LVRN: variants seen among roughly 807,000 people sequenced by gnomAD.
The protein encoded by LVRN is aminopeptidase Q.
LVRN carries 99 observed loss-of-function variants against 111.4 expected under a neutral mutation model. The ratio of observed to expected loss-of-function variants is 0.89; its 90% CI spans 0.76 to 1.05. The LOEUF (loss-of-function observed/expected upper bound fraction) is 1.05. Among genes scored for constraint, LVRN ranks in the 50% least tolerant of loss-of-function variants. The pLI is 0.00. For missense variants in LVRN, 1,414 were observed against 1,206.8 expected (o/e 1.17, Z -2.54); for synonymous variants, 488 against 449.5 (o/e 1.09, Z -1.08).
chr5:115,987,234 GAATTAT>G (rs1263864277), intron 3 of LVRN, among the ~76,000 whole-genome samples: 3 of 152,052 alleles, frequency 2.0e-5, no homozygotes, highest in African/African-American at 7.2e-5. Flanking sequence ...AAAAACAAGA[GAATTAT>G]AATTCACTTG....
At chr5:116,022,542 T>C in intron 19 of LVRN, 76 bp downstream of exon 19, 1 of 928,818 alleles carries the variant, frequency 1.1e-6, no homozygotes. Flanking sequence ...TTGCTAAAAT[T>C]AAAAATAATA....
chr5:116,002,985 T>C, intron 11 of LVRN, 74 bp downstream of exon 11: 1 of 1,272,966 alleles, frequency 7.9e-7, no homozygotes, highest in Non-Finnish European at 1.1e-6. Context: ...TTGAAAAGTC[T>C]AGCTTTTGAA....
intron 18 of LVRN, among the ~76,000 whole-genome samples, chr5:116,016,627 C>T (rs1748606766): frequency 6.6e-6 from 1 of 152,198 alleles, no homozygotes; most frequent in Admixed American, 6.5e-5. Flanking sequence ...CTCACTTTTG[C>T]AGACTCACAG....
intron 1 of LVRN, among the ~76,000 whole-genome samples, 197 bp downstream of exon 1, chr5:115,963,509 C>T (rs529181452): frequency 1.3e-5 from 2 of 152,248 alleles, no homozygotes; most frequent in East Asian, 3.9e-4. Flanking sequence ...GCACAACGTG[C>T]AGGTTTGTTA....
intron 6 of LVRN, among the ~76,000 whole-genome samples, chr5:115,996,946 C>T (rs1179566017): frequency 6.6e-6 from 1 of 152,184 alleles, no homozygotes; most frequent in African/African-American, 2.4e-5. Flanking sequence ...CTGCTAGGTA[C>T]TGTTGAGACA....
rs142239251 is a variant in LVRN at position 115,987,817 on chromosome 5, G to A, written c.983G>A (p.Arg328His). The change falls in exon 4 of 20, where the codon CGC (arginine) becomes CAC (histidine). Residue 328 changes from arginine (R) to histidine (H), a missense_variant. Physicochemically the swap from Arg to His is conservative, Grantham distance 29 (BLOSUM62 0). Coordinates refer to ENST00000357872, the MANE Select transcript of LVRN (RefSeq NM_173800.5). ...VNRTERGKEI[R>H]IWARKDAIAN... ...TGCTTAACTGTTTTGATTTAGATAC[G>A]CATCTGGGCCCGGAAAGATGCAATT... The A allele has an allele frequency of 1.1e-4, 176 of 1,610,668 alleles. No homozygotes were observed. The highest frequency in any genetic ancestry group is 4.0e-4 in the Admixed American group (24 of 59,396).
At position 116,026,982 on chromosome 5, in the gene LVRN, T is replaced by C. The variant is rs1207512380; in HGVS notation, c.*864T>C. On this transcript the variant is annotated 3_prime_UTR_variant, in exon 20 of 20. Transcript: ENST00000357872. Reference sequence around the variant, plus strand: ...ATTTAGGGCAAAAGGAATCTTGAAATGAAAGAAACAGAACTAAAAGGCTAA... The same window carrying C: ...ATTTAGGGCAAAAGGAATCTTGAAACGAAAGAAACAGAACTAAAAGGCTAA... 6.6e-6 allele frequency: 1 copy of C among 152,152 alleles called. No individual in the cohort carries two copies. Among genetic ancestry groups the C allele is most frequent in the East Asian group, 1.9e-4 (1 of 5,188 alleles). 9.4% of individuals were successfully genotyped at this position (152,152 alleles called of 1,614,324 possible). A position where few individuals can be genotyped will look rare whatever the true frequency, so the allele number is the denominator to read the frequency against.
At chr5:116,003,568 G>GT (rs1019271841) in intron 12 of LVRN, among the ~76,000 whole-genome samples, 188 bp downstream of exon 12, 33 of 146,928 alleles carry the variant, frequency 2.2e-4, no homozygotes, top group Middle Eastern at 3.5e-3. Context: ...TGTCTGTGTG[G>GT]TTTTTTTTTG....
At chr5:116,017,844 T>C (rs964844315) in intron 18 of LVRN, among the ~76,000 whole-genome samples, 10 of 152,248 alleles carry the variant, frequency 6.6e-5, no homozygotes, top group African/African-American at 2.4e-4. Flanking sequence ...AGTCCCTATA[T>C]CATTCACTTT....
At chr5:115,997,919 C>T (rs1748153698) in intron 6 of LVRN, among the ~76,000 whole-genome samples, 1 of 152,104 alleles carries the variant, frequency 6.6e-6, no homozygotes, top group Admixed American at 6.5e-5. Flanking sequence ...TTGCCTCATT[C>T]ATCAATTACC....
intron 1 of LVRN, among the ~76,000 whole-genome samples, chr5:115,965,330 G>T (rs1008085596): frequency 2.6e-5 from 4 of 152,170 alleles, no homozygotes; most frequent in Non-Finnish European, 5.9e-5. Flanking sequence ...ATAGATTTTA[G>T]TTTTGTAAGG....
intron 17 of LVRN, 97 bp downstream of exon 17, chr5:116,015,516 T>G: frequency 6.8e-7 from 1 of 1,467,032 alleles, no homozygotes; most frequent in South Asian, 1.5e-5. Flanking sequence ...ATTAAAACGT[T>G]GCGTATTTGT....
At position 115,983,425 on chromosome 5, in the gene LVRN, G is replaced by A. The variant is rs1371312960; in HGVS notation, c.834G>A (p.Lys278=). 6.3e-7 allele frequency: 1 copy of A among 1,597,944 alleles called. No homozygotes were observed. Among genetic ancestry groups the A allele is most frequent in the Non-Finnish European group, 8.5e-7 (1 of 1,175,020 alleles). The change falls in exon 2 of 20, where the codon AAG becomes AAA. Residue 278 remains lysine (K), a synonymous_variant. Coordinates refer to ENST00000357872, the MANE Select transcript of LVRN (RefSeq NM_173800.5). ...ATGTGGCCCTTTCCAACATGCCAAA[G>A]CTAGGTAAGTAATGCTTTCTGTCTA... ...PSYVALSNMP[K]LGQSEKEDVN...
At position 116,010,791 on chromosome 5, in the gene LVRN, C is replaced by A. The variant is rs747816238; in HGVS notation, c.2144C>A (p.Ala715Asp). ...GCACTTGAGTTAACCAAGTACCTTG[C>A]TGAAGAAGATGAAATTATAGTATGG... ...ETALELTKYLAEEDEIIVWHT... is the reference protein window; with the variant it reads ...ETALELTKYLDEEDEIIVWHT... Residue 715 changes from alanine (A) to aspartate (D), a missense_variant, in exon 14 of 20, where the codon GCT becomes GAT. Coordinates refer to ENST00000357872, the MANE Select transcript of LVRN (RefSeq NM_173800.5). The A allele has an allele frequency of 1.2e-6, 2 of 1,610,268 alleles. No homozygotes were observed. The highest frequency in any genetic ancestry group is 2.7e-5 in the African/African-American group (2 of 74,636).
intron 1 of LVRN, among the ~76,000 whole-genome samples, chr5:115,965,481 A>G (rs1373564014): frequency 6.6e-6 from 1 of 152,194 alleles, no homozygotes; most frequent in African/African-American, 2.4e-5. Context: ...AATGAGCAAA[A>G]ATAAATTATA....
chr5:115,983,224 T>C (rs184368499), intron 1 of LVRN, 63 bp from the exon 2 acceptor site: 27 of 1,459,780 alleles, frequency 1.8e-5, no homozygotes, highest in Non-Finnish European at 2.4e-5. Context: ...CATCTCTCAA[T>C]GTTTTTTTAT....
chr5:115,990,970 T>C (rs1223656859), intron 4 of LVRN, among the ~76,000 whole-genome samples: 1 of 152,204 alleles, frequency 6.6e-6, no homozygotes. Context: ...CTCTCTTTCC[T>C]TTCTTCTCCC....
Position 116,015,353 on chromosome 5 carries a change from A to G in LVRN, c.2552A>G (p.Asn851Ser), listed in dbSNP as rs1218701499. The G allele has an allele frequency of 1.2e-6, 2 of 1,612,188 alleles. No individual in the cohort carries two copies. The highest frequency in any genetic ancestry group is 1.7e-5 in the Admixed American group (1 of 59,792). Residue 851 changes from asparagine (N) to serine (S), a missense_variant, in exon 17 of 20, where the codon AAC becomes AGC. Coordinates refer to ENST00000357872, the MANE Select transcript of LVRN (RefSeq NM_173800.5). The stretch of plus-strand genomic sequence containing the variant: ...TTAAATACTTACACTAATACAACAA[A>G]CAAAGAAGAAAAGATTCAACTTGCT... ...ILLNTYTNTTNKEEKIQLAYA... is the reference protein window; with the variant it reads ...ILLNTYTNTTSKEEKIQLAYA...
rs183525648 is a variant in LVRN, at chr5:115,985,635, A to G, written c.978+926A>G. ...TTAAAATAAAGTCACTCTTGTCCCC[A>G]TACCTATCCAGAAGCTGAACTGCCA... On this transcript the variant is annotated intron_variant, in intron 3 of 19. Coordinates refer to ENST00000357872, the MANE Select transcript of LVRN (RefSeq NM_173800.5). Among the ~76,000 whole-genome samples, 613 of 152,342 alleles carry G rather than the reference A, an allele frequency of 4.0e-3. 2 individuals carry two copies. Among genetic ancestry groups the G allele is most frequent in the Middle Eastern group, 6.8e-3 (2 of 294 alleles).
Sources: gnomAD v4.1 joint callset for allele counts (sites outside exome capture counted in the v4.1 genomes callset) on GRCh38, gnomAD v4.1.1 for gene constraint, MANE v1.5 for transcripts, NCBI Gene and HGNC (gene_info 2026-07-23, HGNC 2026-07-21) for gene names.